PRKCB: variants seen among roughly 807,000 people sequenced by gnomAD.
PRKCB encodes protein kinase C beta.
PRKCB carries 13 observed loss-of-function variants against 81.5 expected under a neutral mutation model. The ratio of observed to expected loss-of-function variants is 0.16; its 90% CI spans 0.10 to 0.25. The LOEUF is 0.25. Among genes scored for constraint, PRKCB ranks in the 10% least tolerant of loss-of-function variants. The pLI is 1.00. For missense variants in PRKCB, 509 were observed against 875.7 expected, an observed-to-expected ratio of 0.58 and a Z score of 5.29; for synonymous variants, 335 against 321.4, an observed-to-expected ratio of 1.04 and a Z score of -0.45.
intron 5 of PRKCB, among the ~76,000 whole-genome samples, chr16:24,064,579 T>G (rs1596533914): frequency 6.6e-6 from 1 of 152,214 alleles, no homozygotes; most frequent in East Asian, 1.9e-4. Context: ...ATTGTGTGTG[T>G]GTAAATTAGT....
intron 8 of PRKCB, among the ~76,000 whole-genome samples, chr16:24,121,959 G>C (rs1408053365): frequency 6.6e-6 from 1 of 152,198 alleles, no homozygotes; most frequent in South Asian, 2.1e-4. Flanking sequence ...CTAGGTACCA[G>C]GGAAACAGTG....
At chr16:23,979,654 G>C (rs1596495639) in intron 2 of PRKCB, among the ~76,000 whole-genome samples, 1 of 152,266 alleles carries the variant, frequency 6.6e-6, no homozygotes, top group Admixed American at 6.5e-5. Flanking sequence ...GGTGAGGAAA[G>C]CGGGGGAGGC....
chr16:23,987,682 C>T (rs1047177018), intron 2 of PRKCB, among the ~76,000 whole-genome samples: 19 of 152,082 alleles, frequency 1.2e-4, no homozygotes, highest in African/African-American at 4.6e-4. Flanking sequence ...ACTAAGCATG[C>T]ACTTTAGAAA....
chr16:23,841,950 C>T (rs1962274555), intron 2 of PRKCB, among the ~76,000 whole-genome samples: 1 of 152,062 alleles, frequency 6.6e-6, no homozygotes, highest in South Asian at 2.1e-4. Flanking sequence ...GCCACTGAAC[C>T]TGGCCAAATA....
chr16:24,203,605 A>C (rs1967997988), intron 16 of PRKCB, among the ~76,000 whole-genome samples: 1 of 152,118 alleles, frequency 6.6e-6, no homozygotes, highest in African/African-American at 2.4e-5. Context: ...TCCCAATAGA[A>C]ATTCCAACTC....
At position 23,860,374 on chromosome 16, in the gene PRKCB, C is replaced by T. The variant is rs79998451; in HGVS notation, c.205+22968C>T. Among the ~76,000 whole-genome samples, 567 of 152,098 alleles carry T rather than the reference C, an allele frequency of 3.7e-3. 2 individuals are homozygous for T. Among genetic ancestry groups the T allele is most frequent in the African/African-American group, 0.013 (546 of 41,480 alleles). ...TTGGGGGAGAAGATAGAGAATTATGCGTTGGGTATGTTGAGGATGAGGTGC... is the reference window on the plus strand; with the variant it reads ...TTGGGGGAGAAGATAGAGAATTATGTGTTGGGTATGTTGAGGATGAGGTGC... On this transcript the variant is annotated intron_variant, in intron 2 of 16. Transcript: ENST00000643927.
chr16:24,177,925 A>C (rs573194793), intron 12 of PRKCB, among the ~76,000 whole-genome samples: 1 of 152,310 alleles, frequency 6.6e-6, no homozygotes, highest in East Asian at 1.9e-4. Context: ...GTTGCTCACC[A>C]TCGAGAACGC....
intron 2 of PRKCB, among the ~76,000 whole-genome samples, chr16:23,947,492 A>C (rs1425051122): frequency 6.6e-6 from 1 of 152,168 alleles, no homozygotes; most frequent in African/African-American, 2.4e-5. Flanking sequence ...TTTGCAAAAC[A>C]AGACAGTAGG....
At chr16:24,117,086 T>TTTTAATGTTTTATGTTTAATGTTTAACG (rs1263356119) in intron 8 of PRKCB, among the ~76,000 whole-genome samples, 4 of 152,116 alleles carry the variant, frequency 2.6e-5, no homozygotes, top group African/African-American at 7.3e-5. Context: ...TAAAAAAATG[T>TTTTAATGTTTTATGTTTAATGTTTAACG]TTCCAACAGA....
chr16:23,876,048 T>G (rs1249893813), intron 2 of PRKCB, among the ~76,000 whole-genome samples: 1 of 152,136 alleles, frequency 6.6e-6, no homozygotes, highest in African/African-American at 2.4e-5. Flanking sequence ...TGTTTGCCAC[T>G]CTTTTAGAGG....
intron 15 of PRKCB, among the ~76,000 whole-genome samples, chr16:24,190,510 G>A (rs1179398461): frequency 7.2e-6 from 1 of 139,500 alleles, no homozygotes; most frequent in African/African-American, 2.7e-5. Context: ...TTTTTTGGTT[G>A]TTTTTTTGGT....
intron 2 of PRKCB, among the ~76,000 whole-genome samples, chr16:23,941,402 C>T (rs776344295): frequency 2.0e-5 from 3 of 152,172 alleles, no homozygotes; most frequent in African/African-American, 7.2e-5. Context: ...TCTCACTTCT[C>T]TCCTCTTACC....
chr16:24,018,120 C>T (rs1050429226), intron 3 of PRKCB, among the ~76,000 whole-genome samples: 3 of 152,088 alleles, frequency 2.0e-5, no homozygotes, highest in South Asian at 4.2e-4. Flanking sequence ...AGGATGGTCT[C>T]GATCTCCTGA....
intron 7 of PRKCB, among the ~76,000 whole-genome samples, chr16:24,112,369 A>T (rs1966685764): frequency 6.6e-6 from 1 of 152,106 alleles, no homozygotes; most frequent in Non-Finnish European, 1.5e-5. Flanking sequence ...TCTCTACAAA[A>T]AAATTTTTTT....
intron 9 of PRKCB, among the ~76,000 whole-genome samples, chr16:24,126,980 TA>T (rs1966845518): frequency 1.3e-5 from 2 of 150,542 alleles, no homozygotes; most frequent in African/African-American, 2.4e-5. Context: ...TCCTAAATTA[TA>T]TATATATATG....
chr16:24,143,614 A>G (rs752034458), intron 9 of PRKCB, among the ~76,000 whole-genome samples: 3 of 152,072 alleles, frequency 2.0e-5, no homozygotes, highest in African/African-American at 4.8e-5. Flanking sequence ...CAGTATATAC[A>G]CATGAGCTGT....
At chr16:24,136,837 C>G (rs1966866446) in intron 9 of PRKCB, among the ~76,000 whole-genome samples, 1 of 151,966 alleles carries the variant, frequency 6.6e-6, no homozygotes, top group African/African-American at 2.4e-5. Flanking sequence ...TGGGAGTTTC[C>G]TTTAAATGTG....
At chr16:23,874,275 G>C (rs960544127) in intron 2 of PRKCB, among the ~76,000 whole-genome samples, 1 of 152,192 alleles carries the variant, frequency 6.6e-6, no homozygotes, top group African/African-American at 2.4e-5. Context: ...CCTAGTCCGT[G>C]TGCCTTATAA....
chr16:23,857,120 A>G (rs767687899), intron 2 of PRKCB, among the ~76,000 whole-genome samples: 8 of 152,208 alleles, frequency 5.3e-5, no homozygotes, highest in Non-Finnish European at 1.0e-4. Flanking sequence ...GCTTTAACAT[A>G]TCACAGACAA....
Sources: allele counts gnomAD v4.1 joint callset (sites outside exome capture counted in the v4.1 genomes callset), GRCh38; gene constraint gnomAD v4.1.1; transcripts MANE v1.5; gene names NCBI Gene and HGNC (gene_info 2026-07-23, HGNC 2026-07-21).